The following SLC8A1 variants were observed in gnomAD, a reference collection of about 807,000 sequenced individuals.
The protein encoded by SLC8A1 is solute carrier family 8 member A1.
SLC8A1 carries 18 observed loss-of-function variants against 68.3 expected under a neutral mutation model. That is an observed-to-expected ratio of 0.26 (90% CI 0.18 to 0.39). The LOEUF (loss-of-function observed/expected upper bound fraction) is 0.39. Ranked by LOEUF, SLC8A1 falls within the 10% of genes least tolerant of loss-of-function variation. The pLI is 1.00. For missense variants in SLC8A1, 985 were observed against 1,156.7 expected, an observed-to-expected ratio of 0.85 and a Z score of 2.15; for synonymous variants, 475 against 415.5, an observed-to-expected ratio of 1.14 and a Z score of -1.74.
intron 4 of SLC8A1, among the ~76,000 whole-genome samples, chr2:40,171,339 G>A (rs2047453320): frequency 7.9e-5 from 12 of 152,226 alleles, no homozygotes; most frequent in Admixed American, 7.9e-4. Context: ...AATAGGATTA[G>A]AGGAGTAATA....
chr2:40,104,762 A>T (rs1010742029), exon 8 of SLC8A1: 1 of 152,208 alleles, frequency 6.6e-6, no homozygotes, highest in Non-Finnish European at 1.5e-5. Flanking sequence ...GAAGAAATAT[A>T]AAAGGCTCTA....
intron 1 of SLC8A1, among the ~76,000 whole-genome samples, chr2:40,430,812 G>A (rs1174352364): frequency 3.3e-5 from 5 of 151,990 alleles, no homozygotes; most frequent in East Asian, 1.9e-4. Flanking sequence ...ATCAGACTCC[G>A]AAAAAATCCC....
chr2:40,250,783 A>C (rs981359162), intron 2 of SLC8A1, among the ~76,000 whole-genome samples: 1 of 152,188 alleles, frequency 6.6e-6, no homozygotes, highest in Non-Finnish European at 1.5e-5. Context: ...GTTTGGGGAA[A>C]GGCAAATGGG....
chr2:40,387,364 T>C lies in SLC8A1; in HGVS notation c.1808+41109A>G, dbSNP rs146006558. Among the ~76,000 whole-genome samples the C allele has an allele frequency of 2.3e-4, 35 of 151,568 alleles. 1 individual carries two copies. In the East Asian group the frequency reaches 6.8e-3, roughly 29 times the overall value. ...ATAACAAAGAAATTGATATATTCTA[T>C]TCACACAGGGGTAGGATGGGAAGAT... On this transcript the variant is annotated intron_variant, in intron 2 of 7. Transcript: ENST00000406785.
intron 2 of SLC8A1, among the ~76,000 whole-genome samples, chr2:40,189,285 G>A (rs967520911): frequency 6.6e-6 from 1 of 152,128 alleles, no homozygotes; most frequent in Non-Finnish European, 1.5e-5. Context: ...GATTGCTTTA[G>A]GATAATGTAT....
chr2:40,313,608 G>T (rs1192856244), intron 2 of SLC8A1, among the ~76,000 whole-genome samples: 2 of 151,710 alleles, frequency 1.3e-5, no homozygotes, highest in African/African-American at 2.4e-5. Context: ...TTCCTATATT[G>T]CCCAGACTGG....
intron 2 of SLC8A1, among the ~76,000 whole-genome samples, chr2:40,297,527 T>G (rs897926331): frequency 5.9e-5 from 9 of 152,214 alleles, no homozygotes; most frequent in Admixed American, 2.0e-4. Flanking sequence ...TAAAATGCAT[T>G]TTTTCAGTAC....
chr2:40,306,715 A>G (rs1377397484), intron 2 of SLC8A1, among the ~76,000 whole-genome samples: 3 of 152,192 alleles, frequency 2.0e-5, no homozygotes, highest in Admixed American at 6.5e-5. Flanking sequence ...TTAAGCCCCA[A>G]TGTCAATTAC....
At chr2:40,445,464 A>G (rs1266795638) in intron 1 of SLC8A1, among the ~76,000 whole-genome samples, 2 of 152,080 alleles carry the variant, frequency 1.3e-5, no homozygotes, top group East Asian at 3.9e-4. Context: ...AAGAAAAAGA[A>G]AAAGAGGTAA....
At chr2:40,496,271 A>G (rs984701616) in intron 1 of SLC8A1, among the ~76,000 whole-genome samples, 4 of 152,122 alleles carry the variant, frequency 2.6e-5, no homozygotes, top group African/African-American at 9.7e-5. Flanking sequence ...GAAAACTGGG[A>G]CAAGTTTCCA....
intron 2 of SLC8A1, among the ~76,000 whole-genome samples, chr2:40,260,584 T>C (rs1056239410): frequency 6.6e-6 from 1 of 152,140 alleles, no homozygotes; most frequent in Non-Finnish European, 1.5e-5. Context: ...ATGTCAGTTA[T>C]ACCCACAGTC....
intron 2 of SLC8A1, among the ~76,000 whole-genome samples, chr2:40,313,449 T>G (rs1271523669): frequency 1.3e-5 from 2 of 152,082 alleles, no homozygotes; most frequent in Non-Finnish European, 2.9e-5. Flanking sequence ...CTGGATTATA[T>G]GATAAGTGTA....
chr2:40,352,159 T>G (rs1243245164), intron 2 of SLC8A1, among the ~76,000 whole-genome samples: 3 of 152,178 alleles, frequency 2.0e-5, no homozygotes, highest in African/African-American at 7.2e-5. Flanking sequence ...AATTCATTCA[T>G]AGGCGTTCAT....
At chr2:40,453,627 G>A (rs1702811671), upstream of SLC8A1, among the ~76,000 whole-genome samples, 1 of 152,188 alleles carries the variant, frequency 6.6e-6, no homozygotes, top group Non-Finnish European at 1.5e-5. Context: ...CTCTCTGCAG[G>A]TGGGCCCCAG....
chr2:40,304,518 T>C (rs1044111317), intron 2 of SLC8A1, among the ~76,000 whole-genome samples: 3 of 152,180 alleles, frequency 2.0e-5, no homozygotes, highest in African/African-American at 7.2e-5. Context: ...CAGTCTGGGC[T>C]GCTGCCTCTC....
chr2:40,497,455 A>G (rs1705783532), intron 1 of SLC8A1, among the ~76,000 whole-genome samples: 1 of 152,054 alleles, frequency 6.6e-6, no homozygotes, highest in Non-Finnish European at 1.5e-5. Context: ...CATTACAGAG[A>G]TATCCACAGG....
At chr2:40,439,783 G>A (rs1359674390) in intron 1 of SLC8A1, among the ~76,000 whole-genome samples, 1 of 152,034 alleles carries the variant, frequency 6.6e-6, no homozygotes, top group Non-Finnish European at 1.5e-5. Context: ...GAAAGAATAA[G>A]CTCTTCTTGA....
intron 2 of SLC8A1, among the ~76,000 whole-genome samples, chr2:40,234,811 G>A (rs1029330086): frequency 6.5e-4 from 99 of 152,186 alleles, no homozygotes; most frequent in African/African-American, 2.3e-3. Flanking sequence ...TAGCATGAAG[G>A]GTTGTTGAAT....
chr2:40,204,533 T>C (rs1234645761), intron 2 of SLC8A1, among the ~76,000 whole-genome samples: 1 of 151,930 alleles, frequency 6.6e-6, no homozygotes, highest in African/African-American at 2.4e-5. Context: ...CTAATTAAAT[T>C]TACAAAGCCC....
Sources: allele counts gnomAD v4.1 joint callset (sites outside exome capture counted in the v4.1 genomes callset), GRCh38; gene constraint gnomAD v4.1.1; transcripts MANE v1.5; gene names NCBI Gene and HGNC (gene_info 2026-07-23, HGNC 2026-07-21).